Variants in TWF1 observed in about 807,000 individuals in gnomAD.
The protein encoded by TWF1 is twinfilin actin binding protein 1.
In TWF1, 14 loss-of-function variants were observed where a neutral mutation model predicts 47.9. That is an observed-to-expected ratio of 0.29 (90% CI 0.19 to 0.46). TWF1 has a LOEUF of 0.46. Ranked by LOEUF, TWF1 falls within the 20% of genes least tolerant of loss-of-function variation. TWF1 has a pLI of 1.00. For synonymous variants in TWF1, 96 were observed against 139.2 expected (o/e 0.69, Z 2.18); for missense variants, 281 against 409.3 (o/e 0.69, Z 2.70).
intron 3 of TWF1, 123 bp from the exon 4 acceptor site, chr12:43,800,653 C>A: frequency 1.5e-6 from 1 of 681,248 alleles, no homozygotes; most frequent in Non-Finnish European, 2.5e-6. Context: ...GAAGTCCACC[C>A]ACTATAATAT....
At position 43,800,417 on chromosome 12, in the gene TWF1, C is replaced by A. The variant is rs751191954; in HGVS notation, c.378+18G>T. 6.3e-7 allele frequency: 1 copy of A among 1,580,806 alleles called. No individual in the cohort carries two copies. The highest frequency in any genetic ancestry group is 1.7e-5 in the Admixed American group (1 of 58,304). On this transcript the variant is annotated intron_variant, in intron 4 of 8. Coordinates refer to ENST00000395510, the MANE Select transcript of TWF1 (RefSeq NM_002822.5). ...CATTTTAATTGCAACATATAGAATC[C>A]ACATACAAACATAATACCTTTACTG...
chr12:43,804,932 T>C (rs1010803393), intron 1 of TWF1, among the ~76,000 whole-genome samples: 1 of 152,240 alleles, frequency 6.6e-6, no homozygotes, highest in African/African-American at 2.4e-5. Context: ...TTTCATTCTC[T>C]AATTCAGTTT....
Position 43,794,769 on chromosome 12 carries a change from A to G in TWF1, c.*816T>C, listed in dbSNP as rs1304788982. ...TATTTGCTCGGAAGTGATAAAGAAC[A>G]CAATTTGCCCATAAATGTATGGTTT... On this transcript the variant is annotated 3_prime_UTR_variant, in exon 9 of 9. Coordinates refer to ENST00000395510, the MANE Select transcript of TWF1 (RefSeq NM_002822.5). 6.6e-6 allele frequency: 1 copy of G among 152,356 alleles called. No individual in the cohort carries two copies. The highest frequency in any genetic ancestry group is 1.9e-4 in the East Asian group (1 of 5,206). The allele number at this position is 152,356 out of a possible 1,614,324, so 9.4% of individuals were successfully genotyped here. A position where few individuals can be genotyped will look rare whatever the true frequency, so the allele number is the denominator to read the frequency against.
At position 43,795,141 on chromosome 12, in the gene TWF1, C is replaced by A. The variant is rs545274303; in HGVS notation, c.*444G>T. 2 of 153,668 alleles carry A rather than the reference C, an allele frequency of 1.3e-5. No individual in the cohort carries two copies. Among genetic ancestry groups the A allele is most frequent in the Admixed American group, 1.3e-4 (2 of 15,438 alleles). 9.5% of individuals were successfully genotyped at this position (153,668 alleles called of 1,614,324 possible). On this transcript the variant is annotated 3_prime_UTR_variant, in exon 9 of 9. Coordinates refer to ENST00000395510, the MANE Select transcript of TWF1 (RefSeq NM_002822.5). ...ACAGCTACTCGGAGTAAGCAACTTG[C>A]GGCCTTTTCCAAGGCACACTAAGTT...
rs1485093450 is a variant in TWF1, at chr12:43,796,907, A to C, written c.882+69T>G. On this transcript the variant is annotated intron_variant, in intron 8 of 8. Coordinates refer to ENST00000395510, the MANE Select transcript of TWF1 (RefSeq NM_002822.5). ...TATTTTCATTTATAAATCACAGTAC[A>C]TCATAAACTACATAGAAATGAAAAG... is the stretch of plus-strand genomic sequence containing the variant. The C allele has an allele frequency of 1.6e-5, 23 of 1,457,116 alleles. No homozygotes were observed. In the South Asian group the frequency reaches 2.3e-4, roughly 14 times the overall value. 90.3% of individuals were successfully genotyped at this position (1,457,116 alleles called of 1,614,324 possible). A position where few individuals can be genotyped will look rare whatever the true frequency, so the allele number is the denominator to read the frequency against.
At chr12:43,797,228 ATAAG>A (rs1565699088) in intron 7 of TWF1, 70 bp downstream of exon 7, 3 of 1,492,774 alleles carry the variant, frequency 2.0e-6, no homozygotes, top group Non-Finnish European at 1.8e-6. Flanking sequence ...TGGGCAAGAA[ATAAG>A]TAAGAATATA....
chr12:43,800,627 A>G, intron 3 of TWF1, 97 bp from the exon 4 acceptor site: 1 of 917,664 alleles, frequency 1.1e-6, no homozygotes, highest in South Asian at 1.6e-5. Context: ...AATCACATTA[A>G]AAACAAAACT....
Position 43,802,394 on chromosome 12 carries a change from T to A in TWF1, c.174A>T (p.Leu58Phe). 3.7e-6 allele frequency: 6 copies of A among 1,605,116 alleles called. No homozygotes were observed. The highest frequency in any genetic ancestry group is 5.1e-6 in the Non-Finnish European group (6 of 1,175,678). The part of the protein sequence containing the change: ...SWDKDYDSFV[L>F]PLLEDKQPCY... ...ATGGTTGTTTGTCCTCCAACAGGGG[T>A]AAAACAAAGGAATCATAATCCTTAT... Residue 58 changes from leucine to phenylalanine, a missense_variant, in exon 3 of 9, where the codon TTA becomes TTT. Transcript: ENST00000395510.
chr12:43,803,479 C>T (rs939989993), intron 2 of TWF1, among the ~76,000 whole-genome samples: 3 of 152,080 alleles, frequency 2.0e-5, no homozygotes, highest in African/African-American at 7.2e-5. Flanking sequence ...ATTTATGATA[C>T]AATTTTAGTC....
At position 43,795,473 on chromosome 12, in the gene TWF1, A is replaced by G. The variant is rs988206856; in HGVS notation, c.*112T>C. On this transcript the variant is annotated 3_prime_UTR_variant, in exon 9 of 9. Coordinates refer to ENST00000395510, the MANE Select transcript of TWF1 (RefSeq NM_002822.5). ...ACAGAAGTGAAAAGTGCTATTTTCC[A>G]AAAAGTACAATTTTTTTCCCTACTT... The G allele has an allele frequency of 6.4e-6, 7 of 1,100,646 alleles. No individual in the cohort carries two copies. In the African/African-American group the frequency reaches 9.4e-5, roughly 15 times the overall value. 68.2% of individuals were successfully genotyped at this position (1,100,646 alleles called of 1,614,324 possible). A position where few individuals can be genotyped will look rare whatever the true frequency, so the allele number is the denominator to read the frequency against.
chr12:43,803,620 T>C (rs1449316050), intron 2 of TWF1, among the ~76,000 whole-genome samples: 1 of 152,106 alleles, frequency 6.6e-6, no homozygotes, highest in East Asian at 1.9e-4. Context: ...TTTAGTTCCT[T>C]AACTAGTCAC....
intron 5 of TWF1, 136 bp downstream of exon 5, chr12:43,799,262 T>C (rs956908861): frequency 3.9e-6 from 2 of 508,364 alleles, no homozygotes; most frequent in Admixed American, 3.8e-5. Context: ...CACATAGCCT[T>C]ATCTCTAAAC....
intron 4 of TWF1, 46 bp downstream of exon 4, chr12:43,800,388 TA>T: frequency 7.0e-7 from 1 of 1,436,946 alleles, no homozygotes. Flanking sequence ...AGTTCCTCTT[TA>T]ATCATTTTAA....
chr12:43,806,088 G>A (rs1056301332), intron 1 of TWF1, 133 bp downstream of exon 1: 1 of 1,519,430 alleles, frequency 6.6e-7, no homozygotes, highest in Non-Finnish European at 8.8e-7. Flanking sequence ...GAGGCGCCGA[G>A]GCCCGGCTCG....
intron 4 of TWF1, among the ~76,000 whole-genome samples, 200 bp downstream of exon 4, chr12:43,800,235 A>T (rs555644956): frequency 2.8e-4 from 42 of 152,302 alleles, no homozygotes; most frequent in South Asian, 2.1e-3. Context: ...TCACTTGTCA[A>T]TGTCAAATAG....
chr12:43,797,939 A>C, intron 5 of TWF1, 106 bp from the exon 6 acceptor site: 1 of 1,149,360 alleles, frequency 8.7e-7, no homozygotes, highest in Non-Finnish European at 1.2e-6. Flanking sequence ...CCCTAGCCCA[A>C]CCTATAATTA....
At position 43,797,047 on chromosome 12, in the gene TWF1, G is replaced by T. The variant is rs1942564831; in HGVS notation, c.811C>A (p.Leu271Met). ...GYTCSIRERMLYSSCKSRLLE... is the reference protein window; with the variant it reads ...GYTCSIRERMMYSSCKSRLLE... Reference sequence around the variant, plus strand: ...AGACGGCTCTTGCAGCTAGAATACAGCATCCGCTCTCTTATACTGCATGTG... The same window carrying T: ...AGACGGCTCTTGCAGCTAGAATACATCATCCGCTCTCTTATACTGCATGTG... The change falls in exon 8 of 9, where the codon CTG becomes ATG. Residue 271 changes from leucine (L) to methionine (M), a missense_variant. Transcript: ENST00000395510. 1.9e-6 allele frequency: 3 copies of T among 1,611,012 alleles called. No homozygotes were observed. In the African/African-American group the frequency reaches 4.0e-5, roughly 22 times the overall value.
intron 8 of TWF1, 36 bp from the exon 9 acceptor site, chr12:43,795,791 A>G: frequency 6.2e-7 from 1 of 1,601,660 alleles, no homozygotes; most frequent in Non-Finnish European, 8.5e-7. Context: ...AACATTCAAA[A>G]CCTAATACAA....
chr12:43,795,906 G>A, intron 8 of TWF1, 151 bp from the exon 9 acceptor site: 1 of 682,928 alleles, frequency 1.5e-6, no homozygotes, highest in East Asian at 2.7e-5. Flanking sequence ...TTCTTTTGGG[G>A]GAAGGGGCTA....
Sources: allele counts gnomAD v4.1 joint callset (sites outside exome capture counted in the v4.1 genomes callset), GRCh38; gene constraint gnomAD v4.1.1; transcripts MANE v1.5; gene names NCBI Gene and HGNC (gene_info 2026-07-23, HGNC 2026-07-21).